PRKCE: variants seen among roughly 807,000 people sequenced by gnomAD.
The protein encoded by PRKCE is protein kinase C epsilon type.
A neutral mutation model predicts 85.4 loss-of-function variants in PRKCE; 16 were observed. That is an observed-to-expected ratio of 0.19 (90% CI 0.13 to 0.28). The LOEUF (loss-of-function observed/expected upper bound fraction) is 0.28, where lower values mean the gene tolerates loss of function less well. PRKCE is among the 10% of genes least tolerant of loss of function. The pLI is 1.00. For missense variants in PRKCE, 573 were observed against 975.2 expected, an observed-to-expected ratio of 0.59 and a Z score of 5.49; for synonymous variants, 388 against 371.5, an observed-to-expected ratio of 1.04 and a Z score of -0.51.
intron 14 of PRKCE, among the ~76,000 whole-genome samples, chr2:46,177,032 A>G (rs916688086): frequency 6.6e-6 from 1 of 152,226 alleles, no homozygotes; most frequent in Non-Finnish European, 1.5e-5. Flanking sequence ...TCAGAGAGGT[A>G]AGTTGCAGAA....
chr2:45,739,063 C>T (rs1272021642), intron 1 of PRKCE, among the ~76,000 whole-genome samples: 3 of 152,256 alleles, frequency 2.0e-5, no homozygotes, highest in Non-Finnish European at 2.9e-5. Flanking sequence ...CTGCTGTCTT[C>T]TGGCTGGCTG....
At chr2:45,957,145 C>T (rs1021829995) in intron 2 of PRKCE, among the ~76,000 whole-genome samples, 4 of 152,182 alleles carry the variant, frequency 2.6e-5, no homozygotes, top group Non-Finnish European at 5.9e-5. Flanking sequence ...TTGACAAAGT[C>T]AAATTTGTCA....
intron 1 of PRKCE, among the ~76,000 whole-genome samples, chr2:45,711,448 C>G (rs1048512162): frequency 7.2e-5 from 11 of 152,172 alleles, no homozygotes; most frequent in African/African-American, 1.9e-4. Context: ...ATTGCCTCAT[C>G]TGTAAAATGG....
At position 45,907,934 on chromosome 2, in the gene PRKCE, GT is replaced by G. The variant is rs1319638068; in HGVS notation, c.412+64875del. Among the ~76,000 whole-genome samples, 1 of 152,170 alleles carries G rather than the reference GT, an allele frequency of 6.6e-6. No individual in the cohort carries two copies. Among genetic ancestry groups the G allele is most frequent in the Non-Finnish European group, 1.5e-5 (1 of 68,010 alleles). On this transcript the variant is annotated intron_variant, in intron 2 of 14. Coordinates refer to ENST00000306156, the MANE Select transcript of PRKCE (RefSeq NM_005400.3). This position sits in a 1 kb window ranked among gnomAD's most constrained non-coding sequence, Gnocchi z 4.5. Reference sequence around the variant, plus strand: ...AGAATGATCTCCCATGCCCCTCCCAGTTTTCACCTTCTAGGATTCTGTCCGA... The same window carrying G: ...AGAATGATCTCCCATGCCCCTCCCAGTTTCACCTTCTAGGATTCTGTCCGA...
intron 1 of PRKCE, among the ~76,000 whole-genome samples, chr2:45,808,273 G>A (rs11125033): frequency 0.36 from 55,019 of 152,036 alleles, 10,736 homozygotes; most frequent in African/African-American, 0.5. Context: ...AGGGCACATG[G>A]TAGACACTCA....
intron 1 of PRKCE, among the ~76,000 whole-genome samples, chr2:45,766,838 G>A (rs537139130): frequency 7.2e-5 from 11 of 152,288 alleles, no homozygotes; most frequent in African/African-American, 1.9e-4. Context: ...TCAGGGGTTC[G>A]AGACCAGCCT....
Position 45,924,836 on chromosome 2 carries a change from G to C in PRKCE, c.413-51593G>C, listed in dbSNP as rs567007934. 3.3e-5 allele frequency among the ~76,000 whole-genome samples: 5 copies of C among 152,320 alleles called. No individual in the cohort carries two copies. In the East Asian group the frequency reaches 9.6e-4, roughly 29 times the overall value. On this transcript the variant is annotated intron_variant, in intron 2 of 14. Transcript: ENST00000306156. ...AGGCTGAATGCAGGACTTGGATTGAGGGCAGAAACAATGGAAGGCATAGGT... is the reference window on the plus strand; with the variant it reads ...AGGCTGAATGCAGGACTTGGATTGACGGCAGAAACAATGGAAGGCATAGGT...
intron 11 of PRKCE, among the ~76,000 whole-genome samples, chr2:46,115,082 T>A (rs1672641364): frequency 6.6e-6 from 1 of 152,190 alleles, no homozygotes. Flanking sequence ...ATAGAATTGT[T>A]CCATCTGATG....
rs1558799131 is a variant in PRKCE at position 45,889,673 on chromosome 2, C to T, written c.412+46610C>T. On this transcript the variant is annotated intron_variant, in intron 2 of 14. Coordinates refer to ENST00000306156, the MANE Select transcript of PRKCE (RefSeq NM_005400.3). Reference sequence around the variant, plus strand: ...GTCAGGCATGCCTTAAATAGACTTCCCAGGAATGGGAAATGGCAGCTGCAG... The same window carrying T: ...GTCAGGCATGCCTTAAATAGACTTCTCAGGAATGGGAAATGGCAGCTGCAG... Among the ~76,000 whole-genome samples, 3 of 152,254 alleles carry T rather than the reference C, an allele frequency of 2.0e-5. No homozygotes were observed. In the East Asian group the frequency reaches 5.8e-4, roughly 29 times the overall value.
At chr2:45,804,863 T>C (rs1688125351) in intron 1 of PRKCE, among the ~76,000 whole-genome samples, 1 of 151,876 alleles carries the variant, frequency 6.6e-6, no homozygotes, top group South Asian at 2.1e-4. Context: ...TTTGATTGTT[T>C]CAAAAGCCTT....
At chr2:45,995,055 TCTC>T (rs1317481312) in intron 6 of PRKCE, among the ~76,000 whole-genome samples, 23 of 152,200 alleles carry the variant, frequency 1.5e-4, no homozygotes, top group African/African-American at 3.1e-4. Context: ...TGGAGCATCT[TCTC>T]CTATGCTTAT....
chr2:46,115,635 T>C (rs1201615037), intron 11 of PRKCE, among the ~76,000 whole-genome samples: 1 of 152,222 alleles, frequency 6.6e-6, no homozygotes, highest in African/African-American at 2.4e-5. Flanking sequence ...AAAAGATCTC[T>C]ATGGGCATCA....
intron 2 of PRKCE, among the ~76,000 whole-genome samples, chr2:45,973,407 T>A (rs939082969): frequency 6.6e-6 from 1 of 152,226 alleles, no homozygotes; most frequent in African/African-American, 2.4e-5. Context: ...CACACAAGCC[T>A]CACTTGAAGC....
intron 1 of PRKCE, among the ~76,000 whole-genome samples, chr2:45,681,707 T>C (rs1186175179): frequency 6.6e-6 from 1 of 152,200 alleles, no homozygotes; most frequent in African/African-American, 2.4e-5. Context: ...GTAATGCAAC[T>C]GCCATTCCCC....
At chr2:45,827,175 A>C (rs28371391) in intron 1 of PRKCE, among the ~76,000 whole-genome samples, 1 of 152,068 alleles carries the variant, frequency 6.6e-6, no homozygotes, top group African/African-American at 2.4e-5. Flanking sequence ...GGCAAAGACC[A>C]AGTCTTCCCC....
chr2:45,663,810 G>A (rs1005991190), intron 1 of PRKCE, among the ~76,000 whole-genome samples: 5 of 152,036 alleles, frequency 3.3e-5, no homozygotes, highest in Admixed American at 3.3e-4. Context: ...TGTTGGACAG[G>A]CAGTTTTTAG....
intron 2 of PRKCE, among the ~76,000 whole-genome samples, chr2:45,849,037 A>G (rs543040326): frequency 2.0e-4 from 31 of 152,348 alleles, no homozygotes; most frequent in African/African-American, 7.2e-4. Context: ...GATAGACAGG[A>G]TAAGTTAAAT....
At chr2:45,962,482 A>AC (rs367564309) in intron 2 of PRKCE, among the ~76,000 whole-genome samples, 1 of 150,878 alleles carries the variant, frequency 6.6e-6, no homozygotes, top group Non-Finnish European at 1.5e-5. Flanking sequence ...AACGCCCACC[A>AC]CCCCCCTTCC....
intron 1 of PRKCE, among the ~76,000 whole-genome samples, chr2:45,756,119 T>C (rs1683982838): frequency 6.6e-6 from 1 of 152,200 alleles, no homozygotes; most frequent in African/African-American, 2.4e-5. Flanking sequence ...TACAGAATTC[T>C]TAAAACATGA....
Sources: gnomAD v4.1 joint callset for allele counts (sites outside exome capture counted in the v4.1 genomes callset) on GRCh38, gnomAD v4.1.1 for gene constraint, Gnocchi (gnomAD v3.1) non-coding constraint, MANE v1.5 for transcripts, NCBI Gene and HGNC (gene_info 2026-07-23, HGNC 2026-07-21) for gene names.